Variants in BDNF observed in about 807,000 individuals in gnomAD.
BDNF encodes brain derived neurotrophic factor, also known as neurotrophic factor BDNF precursor form.
A neutral mutation model predicts 19.5 loss-of-function variants in BDNF; 1 was observed. That is an observed-to-expected ratio of 0.05 (90% CI 0.02 to 0.24). BDNF has a LOEUF of 0.24. BDNF is among the 10% of genes least tolerant of loss of function. The pLI is 1.00. For missense variants in BDNF, 195 were observed against 317.6 expected (o/e 0.61, Z 2.93); for synonymous variants, 100 against 121.6 (o/e 0.82, Z 1.17).
chr11:27,720,672 C>A (rs1860713602), intron 1 of BDNF: 1 of 985,444 alleles, frequency 1.0e-6, no homozygotes, highest in Non-Finnish European at 1.2e-6. Flanking sequence ...CGGACAAATC[C>A]GTTGGCTCTG....
intron 1 of BDNF, chr11:27,674,598 T>A (rs961390707): frequency 1.0e-6 from 1 of 985,026 alleles, no homozygotes; most frequent in Non-Finnish European, 1.2e-6. Flanking sequence ...TGACAAAAGA[T>A]CCATATGGCT....
intron 1 of BDNF, chr11:27,677,008 C>G (rs1448923085): frequency 6.6e-6 from 1 of 152,226 alleles, no homozygotes; most frequent in Non-Finnish European, 1.5e-5. Flanking sequence ...CAACGTGGGT[C>G]CATTCCGTGT....
upstream of BDNF, chr11:27,701,002 C>A (rs754061487): frequency 2.9e-6 from 4 of 1,361,368 alleles, no homozygotes; most frequent in South Asian, 3.5e-5. Flanking sequence ...ACGGAGCTTG[C>A]GAACGCGAGC....
chr11:27,718,354 A>ACCCCCCCCCCCCCCCCCCCCCCCC (rs376255605), intron 1 of BDNF, among the ~76,000 whole-genome samples: 2 of 101,112 alleles, frequency 2.0e-5, no homozygotes, highest in Admixed American at 1.1e-4. Flanking sequence ...TCCGCACACC[A>ACCCCCCCCCCCCCCCCCCCCCCCC]CCCCCCCCCG....
At chr11:27,711,404 C>A (rs1214622253) in intron 1 of BDNF, among the ~76,000 whole-genome samples, 1 of 152,164 alleles carries the variant, frequency 6.6e-6, no homozygotes, top group Non-Finnish European at 1.5e-5. Flanking sequence ...ATTTGAAAAT[C>A]TCTCATCGGT....
At chr11:27,702,525 C>T (rs1017228101), upstream of BDNF, among the ~76,000 whole-genome samples, 2 of 152,028 alleles carry the variant, frequency 1.3e-5, no homozygotes, top group African/African-American at 4.8e-5. Flanking sequence ...CTAATAATTG[C>T]GAAGACTATT....
At chr11:27,674,612 C>T in intron 1 of BDNF, 4 of 985,128 alleles carry the variant, frequency 4.1e-6, no homozygotes, top group Non-Finnish European at 4.8e-6. Flanking sequence ...TATGGCTGGC[C>T]AGAAAATATC....
At chr11:27,682,153 A>C (rs1366835486) in intron 1 of BDNF, among the ~76,000 whole-genome samples, 1 of 152,122 alleles carries the variant, frequency 6.6e-6, no homozygotes, top group Non-Finnish European at 1.5e-5. Context: ...AGTCTCTCTA[A>C]ATCACAGGAT....
At chr11:27,675,387 T>C (rs1855952765) in intron 1 of BDNF, 3 of 152,194 alleles carry the variant, frequency 2.0e-5, no homozygotes, top group Admixed American at 6.5e-5. Flanking sequence ...TTGTTTGAGA[T>C]GTCAGAACAT....
intron 1 of BDNF, chr11:27,699,604 C>G (rs914875179): frequency 3.4e-6 from 5 of 1,469,584 alleles, no homozygotes; most frequent in Non-Finnish European, 4.5e-6. Flanking sequence ...GTTTTCCAAG[C>G]TACATTGGCT....
chr11:27,715,077 A>T (rs151293981), intron 1 of BDNF, among the ~76,000 whole-genome samples: 3 of 152,326 alleles, frequency 2.0e-5, no homozygotes, highest in Admixed American at 6.5e-5. Context: ...CCAGATTGTA[A>T]TACAGTTCCT....
chr11:27,657,887 A>C lies in BDNF; in HGVS notation c.678T>G (p.Ile226Met). Residue 226 changes from isoleucine to methionine, a missense_variant, in exon 2 of 2, where the codon ATT (isoleucine) becomes ATG (methionine). By Grantham distance (10) the Ile-to-Met change is conservative. Coordinates refer to ENST00000356660, the MANE Select transcript of BDNF (RefSeq NM_001709.5). The surrounding 1 kb of genome is among the most constrained non-coding windows in gnomAD (Gnocchi z 5.0). The part of the protein sequence containing the change: ...RALTMDSKKR[I>M]GWRFIRIDTS... ...TGTCTATCCTTATGAATCGCCAGCC[A>C]ATTCTCTTTTTGCTATCCATGGTAA... 1 of 1,614,122 alleles carries C rather than the reference A, an allele frequency of 6.2e-7. No individual in the cohort carries two copies. Among genetic ancestry groups the C allele is most frequent in the Non-Finnish European group, 8.5e-7 (1 of 1,180,020 alleles).
chr11:27,719,005 GGGGGTGA>G (rs953374643), intron 1 of BDNF, among the ~76,000 whole-genome samples: 1 of 152,136 alleles, frequency 6.6e-6, no homozygotes, highest in African/African-American at 2.4e-5. Flanking sequence ...AGAAGGGGGT[GGGGGTGA>G]GGGTTATAGG....
Position 27,656,679 on chromosome 11 carries a change from T to C in BDNF, c.*1142A>G. ...GTGTTTCTGGGTTGATACAGGGCTC[T>C]ACCTTTTGCTTACAAGACATTGTTA... is the stretch of plus-strand genomic sequence containing the variant. On this transcript the variant is annotated 3_prime_UTR_variant, in exon 2 of 2. Transcript: ENST00000356660. 1 of 985,684 alleles carries C rather than the reference T, an allele frequency of 1.0e-6. No individual in the cohort carries two copies. The highest frequency in any genetic ancestry group is 1.2e-6 in the Non-Finnish European group (1 of 829,938). 61.1% of individuals were successfully genotyped at this position (985,684 alleles called of 1,614,324 possible). A position where few individuals can be genotyped will look rare whatever the true frequency, so the allele number is the denominator to read the frequency against.
intron 1 of BDNF, chr11:27,719,704 G>T (rs1409750908): frequency 2.3e-5 from 21 of 932,558 alleles, no homozygotes; most frequent in Non-Finnish European, 2.7e-5. Flanking sequence ...GGAAGAGATA[G>T]AATGAGGGAG....
chr11:27,694,553 T>C (rs1246694302), intron 1 of BDNF, among the ~76,000 whole-genome samples: 1 of 151,252 alleles, frequency 6.6e-6, no homozygotes, highest in African/African-American at 2.4e-5. Context: ...GAATTTTAAG[T>C]CAATTTGTAA....
chr11:27,700,400 G>A lies in BDNF; in HGVS notation c.-258C>T, dbSNP rs1859769147. 1 of 986,046 alleles carries A rather than the reference G, an allele frequency of 1.0e-6. No homozygotes were observed. 61.1% of individuals were successfully genotyped at this position (986,046 alleles called of 1,614,324 possible). A position where few individuals can be genotyped will look rare whatever the true frequency, so the allele number is the denominator to read the frequency against. ...ACGGGGTGCGCGGGACAGCGAGCGGGCGGGTGCGCCCGGGCGCGGCGGCGG... is the reference window on the plus strand; with the variant it reads ...ACGGGGTGCGCGGGACAGCGAGCGGACGGGTGCGCCCGGGCGCGGCGGCGG... On this transcript the variant is annotated 5_prime_UTR_variant, in exon 1 of 2. Coordinates refer to ENST00000356660, the MANE Select transcript of BDNF (RefSeq NM_001709.5).
intron 1 of BDNF, among the ~76,000 whole-genome samples, chr11:27,662,464 G>A (rs978633998): frequency 6.6e-6 from 1 of 152,188 alleles, no homozygotes; most frequent in African/African-American, 2.4e-5. Flanking sequence ...AAATTCTCAG[G>A]TAAATATAGG....
At chr11:27,689,623 C>T (rs901191696) in intron 1 of BDNF, among the ~76,000 whole-genome samples, 12 of 152,164 alleles carry the variant, frequency 7.9e-5, no homozygotes, top group Admixed American at 5.9e-4. Flanking sequence ...GAAGGTTCTC[C>T]TAGGTTTTTA....
Sources: gnomAD v4.1 joint callset for allele counts (sites outside exome capture counted in the v4.1 genomes callset) on GRCh38, gnomAD v4.1.1 for gene constraint, Gnocchi (gnomAD v3.1) non-coding constraint, MANE v1.5 for transcripts, NCBI Gene and HGNC (gene_info 2026-07-23, HGNC 2026-07-21) for gene names.